Variants in SPTBN1 observed in about 807,000 individuals in gnomAD.
The protein encoded by SPTBN1 is spectrin beta chain, non-erythrocytic 1.
In SPTBN1, 32 loss-of-function variants were observed where a neutral mutation model predicts 266.4. The observed-to-expected ratio is 0.12, with a 90% CI of 0.09 to 0.16. The LOEUF is 0.16. SPTBN1 is among the 10% of genes least tolerant of loss of function. The probability of loss-of-function intolerance (pLI) is 1.00; values close to 1 mark genes in which losing one functional copy is unlikely to be tolerated. For missense variants in SPTBN1, 2,296 were observed against 3,067.1 expected (o/e 0.75, Z 5.94); for synonymous variants, 1,336 against 1,162.2 (o/e 1.15, Z -3.04).
chr2:54,608,941 A>G (rs1677035566), intron 3 of SPTBN1, among the ~76,000 whole-genome samples: 1 of 152,156 alleles, frequency 6.6e-6, no homozygotes, highest in African/African-American at 2.4e-5. Context: ...GGAAGAGAAA[A>G]TATATTTGCA....
At position 54,670,019 on chromosome 2, in the gene SPTBN1, A is replaced by C. The variant is rs1191281015; in HGVS notation, c.*1450A>C. 2 of 152,218 alleles carry C rather than the reference A, an allele frequency of 1.3e-5. No homozygotes were observed. The highest frequency in any genetic ancestry group is 4.8e-5 in the African/African-American group (2 of 41,458). 9.4% of individuals were successfully genotyped at this position (152,218 alleles called of 1,614,324 possible). On this transcript the variant is annotated 3_prime_UTR_variant, in exon 36 of 36. Coordinates refer to ENST00000356805, the MANE Select transcript of SPTBN1 (RefSeq NM_003128.3). The stretch of plus-strand genomic sequence containing the variant: ...AGGCCGTAACTGTCTCTGTTGCTCA[A>C]TTCTGCTGTTGCGTAATACAAAGGC...
intron 2 of SPTBN1, among the ~76,000 whole-genome samples, chr2:54,590,986 C>A (rs959146971): frequency 6.6e-6 from 1 of 152,176 alleles, no homozygotes; most frequent in African/African-American, 2.4e-5. Flanking sequence ...CAGGGGAGTT[C>A]AGTTGGGGTC....
intron 17 of SPTBN1, among the ~76,000 whole-genome samples, chr2:54,636,731 G>A (rs552102876): frequency 2.0e-5 from 3 of 151,842 alleles, no homozygotes; most frequent in South Asian, 4.5e-4. Context: ...TCTAAGAATC[G>A]AATGAAAACC....
At chr2:54,458,226 C>T (rs1170531560) in intron 1 of SPTBN1, among the ~76,000 whole-genome samples, 3 of 152,108 alleles carry the variant, frequency 2.0e-5, no homozygotes, top group Non-Finnish European at 4.4e-5. Context: ...ATGATTAATG[C>T]ATTTTGGGTT....
intron 1 of SPTBN1, among the ~76,000 whole-genome samples, chr2:54,507,799 C>CG: frequency 8.6e-6 from 1 of 116,160 alleles, no homozygotes. Context: ...AATATAGAGT[C>CG]CCCTTTTTTT....
At chr2:54,622,835 A>G (rs990085435) in intron 9 of SPTBN1, among the ~76,000 whole-genome samples, 1 of 152,222 alleles carries the variant, frequency 6.6e-6, no homozygotes, top group African/African-American at 2.4e-5. Flanking sequence ...TGTATATTAT[A>G]AGACCCCAGA....
At chr2:54,636,839 A>G (rs554821602) in intron 17 of SPTBN1, among the ~76,000 whole-genome samples, 1 of 152,332 alleles carries the variant, frequency 6.6e-6, no homozygotes, top group East Asian at 1.9e-4. Context: ...AAGGAAGTGT[A>G]TGTGTGGCAG....
rs1679700875 is a variant in SPTBN1, at chr2:54,643,307, G to GA, written c.4005+184dup. On this transcript the variant is annotated intron_variant, in intron 19 of 35. Transcript: ENST00000356805. ...TTCCTGACTTCAACCCATCAAAAGG[G>GA]AAAAAAGCAGAAACCCAACCAGTTA... is the stretch of plus-strand genomic sequence containing the variant. Among the ~76,000 whole-genome samples, 5 of 152,062 alleles carry GA rather than the reference G, an allele frequency of 3.3e-5. No homozygotes were observed. In the South Asian group the frequency reaches 1.0e-3, roughly 32 times the overall value.
At chr2:54,563,237 AT>A (rs1309544443) in intron 2 of SPTBN1, among the ~76,000 whole-genome samples, 1 of 152,134 alleles carries the variant, frequency 6.6e-6, no homozygotes, top group Non-Finnish European at 1.5e-5. Flanking sequence ...TGGAGAACTG[AT>A]TCTATTGGCT....
Position 54,644,699 on chromosome 2 carries a change from T to A in SPTBN1, c.4269+113T>A, listed in dbSNP as rs1464570560. The A allele has an allele frequency of 2.2e-6, 3 of 1,375,492 alleles. No individual in the cohort carries two copies. In the African/African-American group the frequency reaches 4.4e-5, roughly 20 times the overall value. The allele number at this position is 1,375,492 out of a possible 1,614,324, so 85.2% of individuals were successfully genotyped here. On this transcript the variant is annotated intron_variant, in intron 20 of 35. Transcript: ENST00000356805. ...GGAGTCCACCTTCCATGGGAAGGCA[T>A]TTTTAACCCAAAATATTACTTGCTC... is the stretch of plus-strand genomic sequence containing the variant.
chr2:54,548,467 C>T lies in SPTBN1; in HGVS notation c.148+21901C>T, dbSNP rs116959103. 3.2e-4 allele frequency among the ~76,000 whole-genome samples: 48 copies of T among 152,314 alleles called. No individual in the cohort carries two copies. The East Asian group carries it at 8.7e-3, about 28-fold the overall frequency. On this transcript the variant is annotated intron_variant, in intron 2 of 35. Transcript: ENST00000356805. ...CTAGCACTCAGGACAGGCCTTTTGG[C>T]TCCACCTTTGTGGTGGATGCTGGAA... is the stretch of plus-strand genomic sequence containing the variant.
At chr2:54,486,097 G>T (rs1361337614) in intron 1 of SPTBN1, among the ~76,000 whole-genome samples, 2 of 142,464 alleles carry the variant, frequency 1.4e-5, no homozygotes, top group African/African-American at 2.6e-5. Flanking sequence ...GGAGGGAGGT[G>T]GGGGGGTCAG....
At position 54,558,683 on chromosome 2, in the gene SPTBN1, G is replaced by C. The variant is rs1673053286; in HGVS notation, c.148+32117G>C. 6.5e-7 allele frequency: 1 copy of C among 1,535,092 alleles called. No individual in the cohort carries two copies. The highest frequency in any genetic ancestry group is 2.4e-5 in the East Asian group (1 of 42,552). On this transcript the variant is annotated intron_variant, in intron 2 of 35. Transcript: ENST00000356805. The surrounding 1 kb of genome is among the most constrained non-coding windows in gnomAD (Gnocchi z 4.6). ...CGGAATGGGGCTCGCCTAAGGAGCC[G>C]AGCGCTGCGGAGGCTGCTGCGTGTT...
chr2:54,555,700 G>C (rs913140827), intron 2 of SPTBN1, among the ~76,000 whole-genome samples: 10 of 152,124 alleles, frequency 6.6e-5, no homozygotes, highest in Middle Eastern at 3.4e-3. Flanking sequence ...TTGCTTTTCG[G>C]GGCTTTCCTC....
chr2:54,653,302 C>G lies in SPTBN1; in HGVS notation c.5578-307C>G, dbSNP rs1680424143. 3.2e-6 allele frequency: 1 copy of G among 310,106 alleles called. No homozygotes were observed. The highest frequency in any genetic ancestry group is 5.9e-6 in the Non-Finnish European group (1 of 169,088). The allele number at this position is 310,106 out of a possible 1,614,324, so 19.2% of individuals were successfully genotyped here. On this transcript the variant is annotated intron_variant, in intron 26 of 35. Transcript: ENST00000356805. The surrounding 1 kb of genome is among the most constrained non-coding windows in gnomAD (Gnocchi z 5.1). ...TTTTTTGGACTGTATCTGAATATGT[C>G]CCACTCAGATATCCCAGGCTGCCTC...
chr2:54,556,421 T>C (rs1457727396), intron 2 of SPTBN1, among the ~76,000 whole-genome samples: 1 of 152,230 alleles, frequency 6.6e-6, no homozygotes, highest in African/African-American at 2.4e-5. Flanking sequence ...TTAAAAATTA[T>C]TTCATGTACT....
intron 18 of SPTBN1, among the ~76,000 whole-genome samples, chr2:54,640,533 C>T (rs1350012162): frequency 6.6e-6 from 1 of 152,174 alleles, no homozygotes; most frequent in Non-Finnish European, 1.5e-5. Flanking sequence ...AGACCATCAT[C>T]ATCTTTGTAG....
chr2:54,650,491 C>T (rs1345413512), intron 26 of SPTBN1, among the ~76,000 whole-genome samples: 3 of 152,212 alleles, frequency 2.0e-5, no homozygotes, highest in Non-Finnish European at 4.4e-5. Flanking sequence ...AGTGTAATCA[C>T]TCTCTAGTTT....
At chr2:54,618,607 G>A (rs763718750) in intron 7 of SPTBN1, among the ~76,000 whole-genome samples, 4 of 152,216 alleles carry the variant, frequency 2.6e-5, no homozygotes, top group Admixed American at 6.5e-5. Flanking sequence ...AGCTGTGCTC[G>A]AAGTAGAAAA....
Sources: gnomAD v4.1 joint callset for allele counts (sites outside exome capture counted in the v4.1 genomes callset) on GRCh38, gnomAD v4.1.1 for gene constraint, Gnocchi (gnomAD v3.1) non-coding constraint, MANE v1.5 for transcripts, NCBI Gene and HGNC (gene_info 2026-07-23, HGNC 2026-07-21) for gene names.